Variants in CCDC91 observed in about 807,000 individuals in gnomAD.
CCDC91 encodes coiled-coil domain containing 91.
Under a neutral mutation model 63.2 loss-of-function variants are expected in CCDC91, and 48 were observed. The ratio of observed to expected loss-of-function variants is 0.76; its 90% CI spans 0.60 to 0.97. The LOEUF is 0.97. Ranked by LOEUF, CCDC91 falls within the 50% of genes least tolerant of loss-of-function variation. The pLI is 0.00. For missense variants in CCDC91, 500 were observed against 494.6 expected (o/e 1.01, Z -0.10); for synonymous variants, 167 against 165.8 (o/e 1.01, Z -0.06).
At chr12:28,504,106 TAA>T (rs1168603565) in intron 12 of CCDC91, among the ~76,000 whole-genome samples, 2 of 146,374 alleles carry the variant, frequency 1.4e-5, no homozygotes, top group African/African-American at 2.4e-5. Flanking sequence ...TAAATTAATT[TAA>T]AAAAGACTCC....
chr12:28,516,412 G>T (rs1381536566), intron 12 of CCDC91, among the ~76,000 whole-genome samples: 2 of 151,822 alleles, frequency 1.3e-5, no homozygotes, highest in African/African-American at 2.4e-5. Context: ...AGACTAGCCT[G>T]GTCAACATGG....
At chr12:28,342,264 G>T (rs1374973171) in intron 6 of CCDC91, among the ~76,000 whole-genome samples, 3 of 152,130 alleles carry the variant, frequency 2.0e-5, no homozygotes, top group Non-Finnish European at 4.4e-5. Context: ...CTCCCTACCA[G>T]CATCTTCATT....
chr12:28,416,203 CAGTA>C (rs572288237), intron 8 of CCDC91, among the ~76,000 whole-genome samples: 4 of 152,116 alleles, frequency 2.6e-5, no homozygotes, highest in Admixed American at 6.6e-5. Context: ...TTATTTTTGT[CAGTA>C]AGTGTTATAT....
intron 11 of CCDC91, among the ~76,000 whole-genome samples, chr12:28,467,617 G>A (rs549410401): frequency 1.3e-5 from 2 of 151,974 alleles, no homozygotes; most frequent in Non-Finnish European, 2.9e-5. Context: ...GGATCTAATA[G>A]GTATTTAGAG....
At chr12:28,484,403 C>G (rs1218473542) in intron 12 of CCDC91, among the ~76,000 whole-genome samples, 1 of 152,060 alleles carries the variant, frequency 6.6e-6, no homozygotes, top group Non-Finnish European at 1.5e-5. Context: ...CTAGAAATAA[C>G]CTATATCATT....
At chr12:28,346,342 CGGTTTTG>C (rs1942808027) in intron 6 of CCDC91, among the ~76,000 whole-genome samples, 2 of 152,188 alleles carry the variant, frequency 1.3e-5, no homozygotes, top group Non-Finnish European at 1.5e-5. Context: ...AGTTACAGTT[CGGTTTTG>C]GGTTTTGGAC....
At chr12:28,200,872 C>G (rs1456936784) in intron 1 of CCDC91, among the ~76,000 whole-genome samples, 15 of 151,254 alleles carry the variant, frequency 9.9e-5, no homozygotes, top group Admixed American at 8.5e-4. Context: ...CGCCCCTCAC[C>G]TCCCAGACAG....
intron 3 of CCDC91, among the ~76,000 whole-genome samples, chr12:28,279,724 C>CT (rs929448892): frequency 4.4e-4 from 65 of 146,936 alleles, no homozygotes; most frequent in Admixed American, 2.0e-3. Flanking sequence ...CCACTAAATC[C>CT]TTTTTTTTTT....
chr12:28,293,667 C>T (rs1048138040), intron 3 of CCDC91, among the ~76,000 whole-genome samples: 2 of 151,956 alleles, frequency 1.3e-5, no homozygotes, highest in Non-Finnish European at 2.9e-5. Flanking sequence ...TTTCATCTCT[C>T]TGTCTCTTTT....
intron 1 of CCDC91, chr12:28,236,600 G>A (rs1379113115): frequency 2.0e-5 from 3 of 152,030 alleles, no homozygotes; most frequent in Admixed American, 6.5e-5. Context: ...AGAGTGATGC[G>A]TAGTCATTGT....
intron 6 of CCDC91, among the ~76,000 whole-genome samples, chr12:28,313,409 C>G (rs1939520015): frequency 1.3e-5 from 2 of 151,910 alleles, no homozygotes; most frequent in African/African-American, 4.8e-5. Context: ...CATGAAAATT[C>G]TAAATATTTT....
At chr12:28,531,979 AGAT>A (rs1941773058) in intron 12 of CCDC91, among the ~76,000 whole-genome samples, 1 of 152,086 alleles carries the variant, frequency 6.6e-6, no homozygotes, top group African/African-American at 2.4e-5. Flanking sequence ...GTGCTCTTTT[AGAT>A]AAAGTGAGTG....
At chr12:28,277,299 A>G (rs1268134570) in intron 3 of CCDC91, among the ~76,000 whole-genome samples, 1 of 152,060 alleles carries the variant, frequency 6.6e-6, no homozygotes, top group East Asian at 1.9e-4. Context: ...TACCTCAATT[A>G]AATTACAGTT....
At chr12:28,545,112 T>C (rs1942896385) in intron 12 of CCDC91, among the ~76,000 whole-genome samples, 1 of 152,012 alleles carries the variant, frequency 6.6e-6, no homozygotes. Flanking sequence ...TTAGAGCTAC[T>C]CTATTATGAA....
At chr12:28,442,562 C>G (rs1949283721) in intron 8 of CCDC91, among the ~76,000 whole-genome samples, 1 of 152,072 alleles carries the variant, frequency 6.6e-6, no homozygotes, top group African/African-American at 2.4e-5. Flanking sequence ...TTTGTGAAGT[C>G]TGAAAGTTTC....
At chr12:28,311,040 G>T (rs1939268207) in intron 6 of CCDC91, among the ~76,000 whole-genome samples, 1 of 151,922 alleles carries the variant, frequency 6.6e-6, no homozygotes, top group Non-Finnish European at 1.5e-5. Context: ...TTTAAATCTT[G>T]TATTTTAGCA....
At chr12:28,230,258 CTCAA>C (rs931522364) in intron 1 of CCDC91, among the ~76,000 whole-genome samples, 2 of 152,130 alleles carry the variant, frequency 1.3e-5, no homozygotes, top group African/African-American at 4.8e-5. Flanking sequence ...AAGTTGAAAA[CTCAA>C]TCCTCCATAT....
At chr12:28,393,985 C>T (rs1015773948) in intron 8 of CCDC91, among the ~76,000 whole-genome samples, 2 of 152,158 alleles carry the variant, frequency 1.3e-5, no homozygotes, top group Non-Finnish European at 1.5e-5. Context: ...ATAGTATCTA[C>T]GTTTAACCAA....
intron 1 of CCDC91, among the ~76,000 whole-genome samples, chr12:28,194,072 T>C (rs1941519305): frequency 6.6e-6 from 1 of 152,244 alleles, no homozygotes; most frequent in African/African-American, 2.4e-5. Flanking sequence ...TATCAGTTTT[T>C]TCTCTTATGA....
Sources: gnomAD v4.1 joint callset for allele counts (sites outside exome capture counted in the v4.1 genomes callset) on GRCh38, gnomAD v4.1.1 for gene constraint, MANE v1.5 for transcripts, NCBI Gene and HGNC (gene_info 2026-07-23, HGNC 2026-07-21) for gene names.